The following IL1RAPL1 variants were observed in gnomAD, a reference collection of about 807,000 sequenced individuals.
IL1RAPL1 encodes the protein interleukin-1 receptor accessory protein-like 1.
In IL1RAPL1, 3 loss-of-function variants were observed where a neutral mutation model predicts 48.4. That is an observed-to-expected ratio of 0.06 (90% confidence interval 0.03 to 0.16). IL1RAPL1 has a LOEUF of 0.16. IL1RAPL1 is among the 10% of genes least tolerant of loss of function. The probability of loss-of-function intolerance (pLI) is 1.00; values close to 1 mark genes in which losing one functional copy is unlikely to be tolerated. For missense variants in IL1RAPL1, 349 were observed against 530.6 expected (o/e 0.66, Z 3.36); for synonymous variants, 185 against 187.7 (o/e 0.99, Z 0.12).
At chrX:28,701,729 G>A (rs1342929321) in intron 1 of IL1RAPL1, among the ~76,000 whole-genome samples, 1 of 111,088 alleles carries the variant, frequency 9.0e-6, no homozygotes, top group Non-Finnish European at 1.9e-5. Flanking sequence ...TCCTCCTTAC[G>A]GCTTTATCTG....
chrX:29,236,378 G>A (rs1931293351), intron 2 of IL1RAPL1, among the ~76,000 whole-genome samples: 1 of 110,407 alleles, frequency 9.1e-6, no homozygotes, highest in African/African-American at 3.3e-5. Context: ...CGAGAAAATT[G>A]AGCTCTCTTC....
intron 2 of IL1RAPL1, among the ~76,000 whole-genome samples, chrX:28,801,242 A>G (rs1036857411): frequency 9.0e-6 from 1 of 111,617 alleles, no homozygotes; most frequent in Admixed American, 9.6e-5. Flanking sequence ...CTATTTAGGT[A>G]AAACGAGTAT....
intron 3 of IL1RAPL1, among the ~76,000 whole-genome samples, chrX:29,337,117 C>T (rs1179525015): frequency 1.8e-5 from 2 of 111,631 alleles, no homozygotes; most frequent in Admixed American, 1.9e-4. Context: ...GTTCTGAGTT[C>T]CAACATGGCA....
intron 5 of IL1RAPL1, among the ~76,000 whole-genome samples, chrX:29,527,005 TAC>T (rs1301543742): frequency 8.9e-6 from 1 of 111,885 alleles, no homozygotes; most frequent in East Asian, 2.8e-4. Flanking sequence ...TATTAGCATG[TAC>T]TACAAAGCCT....
chrX:29,595,231 T>C (rs1379117910), intron 5 of IL1RAPL1, among the ~76,000 whole-genome samples: 3 of 112,174 alleles, frequency 2.7e-5, no homozygotes, highest in Non-Finnish European at 5.6e-5. Flanking sequence ...TATAATGACT[T>C]CTTTTCCTCT....
At chrX:29,945,687 A>C (rs1221656949) in intron 9 of IL1RAPL1, among the ~76,000 whole-genome samples, 8 of 111,978 alleles carry the variant, frequency 7.1e-5, no homozygotes, top group Non-Finnish European at 1.3e-4. Flanking sequence ...ATATACAGCC[A>C]TTTTATCAGA....
intron 5 of IL1RAPL1, among the ~76,000 whole-genome samples, chrX:29,506,467 T>TCC (rs1211756512): frequency 4.7e-5 from 5 of 107,025 alleles, no homozygotes; most frequent in East Asian, 3.1e-4. Flanking sequence ...CTCCTCCTCC[T>TCC]TCTCATTCTT....
chrX:29,262,426 G>C (rs1196001567), intron 2 of IL1RAPL1, among the ~76,000 whole-genome samples: 2 of 111,264 alleles, frequency 1.8e-5, no homozygotes, highest in South Asian at 7.6e-4. Context: ...CATTTTGGGA[G>C]GCCGAGGTCG....
intron 6 of IL1RAPL1, among the ~76,000 whole-genome samples, chrX:29,897,509 T>G (rs1932409526): frequency 1.8e-5 from 2 of 112,153 alleles, no homozygotes; most frequent in South Asian, 7.4e-4. Flanking sequence ...TTTATTGTTA[T>G]GTAAACCAGT....
At chrX:29,607,393 T>C (rs1923928210) in intron 5 of IL1RAPL1, among the ~76,000 whole-genome samples, 1 of 112,147 alleles carries the variant, frequency 8.9e-6, no homozygotes, top group Non-Finnish European at 1.9e-5. Context: ...CTTTCCTATC[T>C]TGAAATGAAT....
At chrX:29,415,969 A>G (rs765646055) in intron 5 of IL1RAPL1, among the ~76,000 whole-genome samples, 1 of 111,791 alleles carries the variant, frequency 8.9e-6, no homozygotes, top group African/African-American at 3.2e-5. Flanking sequence ...TAACCATGCT[A>G]CTCCTTCAAT....
chrX:29,342,112 T>TTTTGTG (rs1342417877), intron 3 of IL1RAPL1, among the ~76,000 whole-genome samples: 4 of 87,670 alleles, frequency 4.6e-5, no homozygotes, highest in African/African-American at 1.7e-4. Context: ...CGGCCTTGTT[T>TTTTGTG]TGTGTGTGTG....
chrX:28,948,112 T>C (rs1192533828), intron 2 of IL1RAPL1, among the ~76,000 whole-genome samples: 1 of 111,642 alleles, frequency 9.0e-6, no homozygotes, highest in East Asian at 2.8e-4. Context: ...TCTGACTGAC[T>C]AGAAGTCTAC....
In IL1RAPL1 at chrX:28,873,970, T is replaced by TAA. The variant is rs59999767; in HGVS notation, c.82+84563_82+84564dup. Among the ~76,000 whole-genome samples the TAA allele has an allele frequency of 2.4e-3, 188 of 76,878 alleles. 1 individual carries two copies. In the East Asian group the frequency reaches 0.034, roughly 14 times the overall value. The allele number at this position is 76,878 out of a possible 115,157, so 66.8% of individuals were successfully genotyped here. ...TTGTTCAGATTTTTTGCTTCTCCAGTAAAAAAAAAAAAAAAAAAATTGTTC... is the reference window on the plus strand; with the variant it reads ...TTGTTCAGATTTTTTGCTTCTCCAGTAAAAAAAAAAAAAAAAAAAAATTGTTC... On this transcript the variant is annotated intron_variant, in intron 2 of 10. Coordinates refer to ENST00000378993, the MANE Select transcript of IL1RAPL1 (RefSeq NM_014271.4).
At chrX:29,844,922 G>A (rs1931214485) in intron 6 of IL1RAPL1, among the ~76,000 whole-genome samples, 1 of 112,133 alleles carries the variant, frequency 8.9e-6, no homozygotes, top group African/African-American at 3.2e-5. Flanking sequence ...CAGAACAGGA[G>A]AAGCCACAGA....
In IL1RAPL1 at chrX:29,399,495, C is replaced by T. The variant is rs746416880; in HGVS notation, c.703+187C>T. 3.6e-5 allele frequency among the ~76,000 whole-genome samples: 4 copies of T among 111,878 alleles called. No individual in the cohort carries two copies. The East Asian group carries it at 8.3e-4, about 23-fold the overall frequency. On this transcript the variant is annotated intron_variant, in intron 5 of 10. Transcript: ENST00000378993. ...CTTCCACTGAAGTCCATTCAAAAGGCTAGAGACAATATGTTTAGGGAGTTA... is the reference window on the plus strand; with the variant it reads ...CTTCCACTGAAGTCCATTCAAAAGGTTAGAGACAATATGTTTAGGGAGTTA...
chrX:29,168,859 G>A (rs985416977), intron 2 of IL1RAPL1, among the ~76,000 whole-genome samples: 1 of 79,201 alleles, frequency 1.3e-5, no homozygotes, highest in South Asian at 5.7e-4. Context: ...AATTGTATAT[G>A]TATATTCATA....
At position 28,963,362 on chromosome X, in the gene IL1RAPL1, T is replaced by C. The variant is rs779948570; in HGVS notation, c.82+173937T>C. Among the ~76,000 whole-genome samples, 3 of 111,558 alleles carry C rather than the reference T, an allele frequency of 2.7e-5. No homozygotes were observed. In the South Asian group the frequency reaches 1.1e-3, roughly 41 times the overall value. On this transcript the variant is annotated intron_variant, in intron 2 of 10. Coordinates refer to ENST00000378993, the MANE Select transcript of IL1RAPL1 (RefSeq NM_014271.4). Reference sequence around the variant, plus strand: ...ATATTGCCTTAATAAAGATGATCTCTATTTTACATTATATATTCCTCTGCA... The same window carrying C: ...ATATTGCCTTAATAAAGATGATCTCCATTTTACATTATATATTCCTCTGCA...
chrX:29,161,134 C>T (rs1345905583), intron 2 of IL1RAPL1, among the ~76,000 whole-genome samples: 1 of 110,586 alleles, frequency 9.0e-6, no homozygotes, highest in African/African-American at 3.3e-5. Flanking sequence ...GAGTATACAG[C>T]AGGGATACAT....
Sources: allele counts gnomAD v4.1 joint callset (sites outside exome capture counted in the v4.1 genomes callset), GRCh38; gene constraint gnomAD v4.1.1; transcripts MANE v1.5; gene names NCBI Gene and HGNC (gene_info 2026-07-23, HGNC 2026-07-21).